The following GAK variants were observed in gnomAD, a reference collection of about 807,000 sequenced individuals.
The protein encoded by GAK is cyclin-G-associated kinase.
GAK carries 79 observed loss-of-function variants against 143.9 expected under a neutral mutation model. That is an observed-to-expected ratio of 0.55 (90% CI 0.46 to 0.66). GAK has a LOEUF of 0.66. Ranked by LOEUF, GAK falls within the 30% of genes least tolerant of loss-of-function variation. The pLI is 0.00. For missense variants in GAK, 1,693 were observed against 1,779.7 expected, an observed-to-expected ratio of 0.95 and a Z score of 0.88; for synonymous variants, 881 against 765.5, an observed-to-expected ratio of 1.15 and a Z score of -2.49.
At chr4:856,867 G>A (rs1286259612) in intron 24 of GAK, among the ~76,000 whole-genome samples, 5 of 152,200 alleles carry the variant, frequency 3.3e-5, no homozygotes, top group South Asian at 2.1e-4. Context: ...GAGCCACTCC[G>A]CCTGGCCTGG....
chr4:865,066 C>T (rs187264551), intron 23 of GAK, 56 bp downstream of exon 23: 161 of 1,569,514 alleles, frequency 1.0e-4, no homozygotes, highest in Admixed American at 1.1e-4. Context: ...GAAATAGAGA[C>T]GGGCCACAGC....
rs1747655803 is a variant in GAK at position 849,425 on chromosome 4, G to A, written c.*248C>T. On this transcript the variant is annotated 3_prime_UTR_variant, in exon 28 of 28. Transcript: ENST00000314167. ...CGCCCGAAACACCAAATAAATCACA[G>A]ACGTGACAATTGCGGGAGGAGCATG... 9.1e-6 allele frequency: 5 copies of A among 552,376 alleles called. No homozygotes were observed. The highest frequency in any genetic ancestry group is 1.9e-5 in the African/African-American group (1 of 53,038). 34.2% of individuals were successfully genotyped at this position (552,376 alleles called of 1,614,324 possible).
At chr4:901,931 G>A (rs1335022692) in intron 5 of GAK, among the ~76,000 whole-genome samples, 1 of 152,240 alleles carries the variant, frequency 6.6e-6, no homozygotes, top group African/African-American at 2.4e-5. Context: ...GGATAATGGT[G>A]TCAAAACCAC....
chr4:877,771 G>C lies in GAK; in HGVS notation c.1700C>G (p.Pro567Arg), dbSNP rs768900329. Reference sequence around the variant, plus strand: ...GATGGGCTTGCTGTGGGGTGTGATGGGCTCCTCCGCCACCATGTCACACAT... The same window carrying C: ...GATGGGCTTGCTGTGGGGTGTGATGCGCTCCTCCGCCACCATGTCACACAT... ...EYMCDMVAEE[P>R]ITPHSKPILV... is the part of the protein sequence containing the mutation. The change falls in exon 16 of 28, where the codon CCC becomes CGC. Residue 567 changes from proline (P) to arginine (R), a missense_variant. Physicochemically the swap from Pro to Arg is moderately radical, Grantham distance 103. Coordinates refer to ENST00000314167, the MANE Select transcript of GAK (RefSeq NM_005255.4). The C allele has an allele frequency of 1.2e-6, 2 of 1,610,924 alleles. No individual in the cohort carries two copies. The highest frequency in any genetic ancestry group is 1.7e-5 in the Admixed American group (1 of 59,224).
At chr4:902,608 A>AAAAAAAAAAAAC (rs1553889083) in intron 5 of GAK, among the ~76,000 whole-genome samples, 3 of 150,424 alleles carry the variant, frequency 2.0e-5, no homozygotes, top group South Asian at 2.1e-4. Context: ...AAAAAAAAAA[A>AAAAAAAAAAAAC]AAAAAACCCC....
chr4:922,035 T>C, intron 1 of GAK, among the ~76,000 whole-genome samples: 1 of 152,078 alleles, frequency 6.6e-6, no homozygotes, highest in African/African-American at 2.4e-5. Flanking sequence ...AAAGAGAAAC[T>C]CGCTGTTAGG....
At chr4:877,473 A>C in intron 16 of GAK, 142 bp downstream of exon 16, 1 of 868,936 alleles carries the variant, frequency 1.2e-6, no homozygotes, top group Non-Finnish European at 1.7e-6. Flanking sequence ...CAGGATCCCA[A>C]GTGACCTGCC....
intron 10 of GAK, among the ~76,000 whole-genome samples, chr4:890,061 C>G (rs1176921096): frequency 6.6e-6 from 1 of 152,238 alleles, no homozygotes; most frequent in African/African-American, 2.4e-5. Flanking sequence ...CACAGCAGGC[C>G]TGGCCCTTCA....
At chr4:919,023 G>T in intron 1 of GAK, among the ~76,000 whole-genome samples, 1 of 38,304 alleles carries the variant, frequency 2.6e-5, no homozygotes, top group Admixed American at 2.4e-4. Context: ...CCTCAGTGCC[G>T]CATGACCTTA....
intron 24 of GAK, among the ~76,000 whole-genome samples, chr4:854,118 C>CTT (rs573575985): frequency 4.3e-5 from 6 of 139,278 alleles, no homozygotes; most frequent in Non-Finnish European, 7.9e-5. Flanking sequence ...CATTTTCTTT[C>CTT]TTTTTTTTTT....
intron 23 of GAK, among the ~76,000 whole-genome samples, chr4:862,303 A>G (rs1374893064): frequency 2.0e-5 from 3 of 152,174 alleles, no homozygotes; most frequent in Non-Finnish European, 4.4e-5. Context: ...GGCTGAGACC[A>G]CTGATGAAGC....
At chr4:868,825 T>A (rs1482808228) in intron 19 of GAK, 140 bp from the exon 20 acceptor site, 1 of 803,442 alleles carries the variant, frequency 1.2e-6, no homozygotes, top group Admixed American at 2.8e-5. Flanking sequence ...ACCAATGACA[T>A]GACGGGGAGG....
chr4:909,874 T>C (rs566684519), intron 4 of GAK, among the ~76,000 whole-genome samples: 21 of 151,996 alleles, frequency 1.4e-4, no homozygotes, highest in Non-Finnish European at 2.6e-4. Context: ...CCCCACAGTG[T>C]CAGATGAAGA....
intron 1 of GAK, among the ~76,000 whole-genome samples, chr4:922,934 C>T (rs1431776417): frequency 6.6e-6 from 1 of 152,182 alleles, no homozygotes; most frequent in Admixed American, 6.5e-5. Context: ...CTGGGCAAGC[C>T]GTGCACACTC....
intron 1 of GAK, among the ~76,000 whole-genome samples, chr4:924,989 CAGG>C (rs1724489177): frequency 1.3e-5 from 2 of 152,046 alleles, no homozygotes; most frequent in African/African-American, 4.8e-5. Context: ...GGGCTGCTCT[CAGG>C]AGGAGGTTGC....
At chr4:867,616 G>T (rs1266012215) in intron 20 of GAK, among the ~76,000 whole-genome samples, 184 bp from the exon 21 acceptor site, 1 of 151,252 alleles carries the variant, frequency 6.6e-6, no homozygotes, top group Non-Finnish European at 1.5e-5. Context: ...GAACACACGT[G>T]GCCAGCACCA....
chr4:878,535 C>T (rs936343929), intron 15 of GAK, among the ~76,000 whole-genome samples: 4 of 152,202 alleles, frequency 2.6e-5, no homozygotes, highest in Non-Finnish European at 4.4e-5. Context: ...CGTCCTAGAA[C>T]GCTCTACAGC....
chr4:913,563 T>C, intron 2 of GAK, 44 bp downstream of exon 2: 1 of 1,466,662 alleles, frequency 6.8e-7, no homozygotes, highest in East Asian at 2.3e-5. Flanking sequence ...ACAGTCCCTT[T>C]ACATACGTCA....
chr4:887,628 C>T (rs1008705735), intron 11 of GAK: 1 of 152,066 alleles, frequency 6.6e-6, no homozygotes, highest in Non-Finnish European at 1.5e-5. Flanking sequence ...CGCATGCGTA[C>T]ACATGCATGC....
Sources: allele counts gnomAD v4.1 joint callset (sites outside exome capture counted in the v4.1 genomes callset), GRCh38; gene constraint gnomAD v4.1.1; transcripts MANE v1.5; gene names NCBI Gene and HGNC (gene_info 2026-07-23, HGNC 2026-07-21).